XKR9: variants seen among roughly 807,000 people sequenced by gnomAD.
XKR9 encodes XK related 9, also known as XK-related protein 9.
In XKR9, 32 loss-of-function variants were observed where a neutral mutation model predicts 32.0. The ratio of observed to expected loss-of-function variants is 1.00; its 90% CI spans 0.76 to 1.34. The LOEUF is 1.34. Among genes scored for constraint, XKR9 ranks in the 40% most tolerant of loss-of-function variants. XKR9 has a pLI of 0.00. For missense variants in XKR9, 546 were observed against 429.7 expected (o/e 1.27, Z -2.39); for synonymous variants, 168 against 143.4 (o/e 1.17, Z -1.22).
Position 70,728,649 on chromosome 8 carries a change from C to G in XKR9, c.494-5147C>G, listed in dbSNP as rs536354058. ...AAAAAAACTCAAGAACAGCTAACAA[C>G]AGGTGTACTATAGTATTTTCTTTTG... is the stretch of plus-strand genomic sequence containing the variant. On this transcript the variant is annotated intron_variant, in intron 4 of 4. Transcript: ENST00000408926. Among the ~76,000 whole-genome samples the G allele has an allele frequency of 4.2e-4, 64 of 152,304 alleles. 2 individuals carry two copies. In the Middle Eastern group the frequency reaches 0.02, roughly 49 times the overall value.
chr8:71,052,393 G>A, the XKR9 span, among the ~76,000 whole-genome samples: 7 of 152,146 alleles, frequency 4.6e-5, no homozygotes, highest in South Asian at 2.1e-4. Flanking sequence ...GATGCAACTT[G>A]TCTTTATATG....
At chr8:70,760,260 G>T (rs1807289943) in intron 2 of XKR9, among the ~76,000 whole-genome samples, 1 of 152,086 alleles carries the variant, frequency 6.6e-6, no homozygotes, top group Admixed American at 6.6e-5. Context: ...AAGTGCTAAG[G>T]CTACTGATAA....
chr8:70,775,929 CG>C (rs1807512765), intron 2 of XKR9, among the ~76,000 whole-genome samples: 1 of 151,744 alleles, frequency 6.6e-6, no homozygotes, highest in Non-Finnish European at 1.5e-5. Flanking sequence ...ATTTTTTTGT[CG>C]AGATGGGGTC....
chr8:70,670,403 TAAAAG>T (rs951205155), intron 1 of XKR9, among the ~76,000 whole-genome samples: 7 of 152,284 alleles, frequency 4.6e-5, no homozygotes, highest in South Asian at 2.1e-4. Flanking sequence ...ATAAATTACT[TAAAAG>T]AAAATACACA....
chr8:70,702,512 T>G (rs1333447313), intron 3 of XKR9, among the ~76,000 whole-genome samples: 1 of 152,184 alleles, frequency 6.6e-6, no homozygotes, highest in Non-Finnish European at 1.5e-5. Flanking sequence ...TTTCAATTAC[T>G]GAGAGGTGAT....
chr8:71,063,890 G>A, the XKR9 span, among the ~76,000 whole-genome samples: 3 of 152,288 alleles, frequency 2.0e-5, no homozygotes, highest in South Asian at 4.1e-4. Flanking sequence ...ACTGATCAAT[G>A]TATACTCACC....
intron 3 of XKR9, among the ~76,000 whole-genome samples, chr8:70,700,392 C>A (rs1295250865): frequency 6.6e-6 from 1 of 152,108 alleles, no homozygotes; most frequent in Non-Finnish European, 1.5e-5. Flanking sequence ...GTTAGTTTTC[C>A]TTCTGACAGA....
At chr8:70,750,345 T>C (rs1383216520) in intron 2 of XKR9, among the ~76,000 whole-genome samples, 2 of 152,234 alleles carry the variant, frequency 1.3e-5, no homozygotes, top group African/African-American at 4.8e-5. Context: ...AGTATATTTT[T>C]TTCCCTAGGA....
chr8:70,795,531 G>C, the XKR9 span, among the ~76,000 whole-genome samples: 2 of 152,082 alleles, frequency 1.3e-5, no homozygotes, highest in African/African-American at 4.8e-5. Context: ...TGGTAATTCT[G>C]TGTTTAGGTC....
intron 2 of XKR9, among the ~76,000 whole-genome samples, chr8:70,747,415 T>C (rs1257485191): frequency 6.6e-6 from 1 of 152,180 alleles, no homozygotes; most frequent in Non-Finnish European, 1.5e-5. Flanking sequence ...GATTAATAGG[T>C]TAATACATTA....
chr8:71,033,897 T>C, the XKR9 span, among the ~76,000 whole-genome samples: 1 of 152,162 alleles, frequency 6.6e-6, no homozygotes, highest in Admixed American at 6.5e-5. Flanking sequence ...GGTATTATGT[T>C]ATAGCAGCAC....
the XKR9 span, among the ~76,000 whole-genome samples, chr8:70,892,914 C>T: frequency 2.0e-5 from 3 of 152,130 alleles, no homozygotes; most frequent in South Asian, 4.1e-4. Context: ...AATATCATGT[C>T]ATTAAATAGG....
At chr8:70,681,989 A>G (rs926949954) in intron 3 of XKR9, among the ~76,000 whole-genome samples, 1 of 152,148 alleles carries the variant, frequency 6.6e-6, no homozygotes, top group Non-Finnish European at 1.5e-5. Flanking sequence ...TATATTAATT[A>G]ATGGGAATAA....
chr8:70,856,115 G>A, the XKR9 span, among the ~76,000 whole-genome samples: 3 of 152,138 alleles, frequency 2.0e-5, no homozygotes, highest in East Asian at 3.9e-4. Flanking sequence ...AGGATCAAAT[G>A]CACACATAAC....
At chr8:70,788,550 A>G (rs1042523715) in intron 2 of XKR9, among the ~76,000 whole-genome samples, 1 of 152,136 alleles carries the variant, frequency 6.6e-6, no homozygotes, top group African/African-American at 2.4e-5. Flanking sequence ...TTAAATATCC[A>G]AGTCTGTACT....
the XKR9 span, among the ~76,000 whole-genome samples, chr8:71,012,505 C>A: frequency 5.9e-5 from 9 of 152,094 alleles, no homozygotes; most frequent in African/African-American, 2.2e-4. Context: ...CTGAGATGTA[C>A]CCTGGGAAAG....
chr8:71,042,689 A>T, the XKR9 span, among the ~76,000 whole-genome samples: 1 of 151,908 alleles, frequency 6.6e-6, no homozygotes, highest in Non-Finnish European at 1.5e-5. Context: ...AATGTTTAGG[A>T]TGTTTTAAAT....
intron 2 of XKR9, among the ~76,000 whole-genome samples, chr8:70,745,325 T>C (rs745886846): frequency 2.0e-5 from 3 of 152,236 alleles, no homozygotes; most frequent in Non-Finnish European, 4.4e-5. Context: ...TTTTGGGCTT[T>C]TTCTAGATTA....
the XKR9 span, among the ~76,000 whole-genome samples, chr8:71,044,774 T>C: frequency 6.6e-6 from 1 of 152,224 alleles, no homozygotes; most frequent in African/African-American, 2.4e-5. Context: ...TCACAAATTA[T>C]CCTTGAAGCT....
Sources: gnomAD v4.1 joint callset for allele counts (sites outside exome capture counted in the v4.1 genomes callset) on GRCh38, gnomAD v4.1.1 for gene constraint, MANE v1.5 for transcripts, NCBI Gene and HGNC (gene_info 2026-07-23, HGNC 2026-07-21) for gene names.